The following PTK2 variants were observed in gnomAD, a reference collection of about 807,000 sequenced individuals.
PTK2 encodes protein tyrosine kinase 2, also known as focal adhesion kinase 1.
A neutral mutation model predicts 150.1 loss-of-function variants in PTK2; 45 were observed. That is an observed-to-expected ratio of 0.30 (90% CI 0.24 to 0.38). The LOEUF is 0.38. PTK2 is among the 10% of genes least tolerant of loss of function. The probability of loss-of-function intolerance (pLI) is 1.00; values close to 1 mark genes in which losing one functional copy is unlikely to be tolerated. For missense variants in PTK2, 919 were observed against 1,307.3 expected (o/e 0.70, Z 4.58); for synonymous variants, 432 against 449.2 (o/e 0.96, Z 0.48).
intron 27 of PTK2, among the ~76,000 whole-genome samples, chr8:140,681,278 G>C (rs557679022): frequency 6.6e-6 from 1 of 151,638 alleles, no homozygotes; most frequent in African/African-American, 2.4e-5. Context: ...TCTTGAGCCC[G>C]GTAAGCAGAA....
rs531114665 is a variant in PTK2 at position 140,976,844 on chromosome 8, A to AC, written c.-122+24280dup. Among the ~76,000 whole-genome samples the AC allele has an allele frequency of 1.3e-3, 198 of 152,358 alleles. 1 individual carries two copies. Among genetic ancestry groups the AC allele is most frequent in the African/African-American group, 4.6e-3 (192 of 41,574 alleles). The stretch of plus-strand genomic sequence containing the variant: ...GGTACCTAAAAGTTTCTGAGTTGAG[A>AC]CCAAGATTTTAGCCAAATTCTACTA... On this transcript the variant is annotated intron_variant, in intron 1 of 31. Coordinates refer to ENST00000522684, the Ensembl canonical transcript of PTK2.
At chr8:140,893,947 T>G (rs1438287477) in intron 2 of PTK2, among the ~76,000 whole-genome samples, 1 of 152,184 alleles carries the variant, frequency 6.6e-6, no homozygotes, top group Non-Finnish European at 1.5e-5. Context: ...AAAGGGGAAT[T>G]TGACAATAAC....
intron 27 of PTK2, among the ~76,000 whole-genome samples, chr8:140,684,003 C>T (rs1438741225): frequency 6.6e-6 from 1 of 152,124 alleles, no homozygotes; most frequent in African/African-American, 2.4e-5. Context: ...GCTGGAAGTC[C>T]TAGGCAGAGC....
chr8:140,853,611 T>C (rs1320578020), intron 5 of PTK2, among the ~76,000 whole-genome samples: 2 of 152,092 alleles, frequency 1.3e-5, no homozygotes, highest in African/African-American at 4.8e-5. Context: ...TTGGGTTGGT[T>C]CCAAGTCTCT....
chr8:140,906,685 T>C (rs191023814), intron 2 of PTK2, among the ~76,000 whole-genome samples: 10 of 152,204 alleles, frequency 6.6e-5, no homozygotes, highest in East Asian at 3.9e-4. Flanking sequence ...AGGGCATAAA[T>C]AGAAGTAGGT....
intron 1 of PTK2, among the ~76,000 whole-genome samples, chr8:140,965,328 CT>C (rs920430197): frequency 6.6e-6 from 1 of 152,176 alleles, no homozygotes; most frequent in African/African-American, 2.4e-5. Context: ...CTTCCCATTG[CT>C]TAACTTGATG....
chr8:140,963,121 C>T (rs910694094), intron 1 of PTK2, among the ~76,000 whole-genome samples: 24 of 151,850 alleles, frequency 1.6e-4, no homozygotes, highest in African/African-American at 5.8e-4. Context: ...AAGGCCTTGC[C>T]TCTCCCTCTA....
At chr8:140,848,133 A>G (rs919679416) in intron 5 of PTK2, among the ~76,000 whole-genome samples, 2 of 152,226 alleles carry the variant, frequency 1.3e-5, no homozygotes, top group African/African-American at 4.8e-5. Context: ...AAATTGAACA[A>G]TGCATGCCTA....
chr8:140,744,072 C>T (rs537044869), intron 19 of PTK2, among the ~76,000 whole-genome samples: 268 of 122,588 alleles, frequency 2.2e-3, no homozygotes, highest in East Asian at 0.012. Context: ...CCACCGCGCC[C>T]GGCCTATTTC....
At chr8:140,927,381 T>C (rs997617358) in intron 1 of PTK2, 9 of 152,194 alleles carry the variant, frequency 5.9e-5, no homozygotes, top group East Asian at 5.8e-4. Context: ...CAAGCTATTG[T>C]GTCTTTCCAA....
At chr8:140,710,807 C>T (rs1302814449) in intron 23 of PTK2, among the ~76,000 whole-genome samples, 1 of 152,206 alleles carries the variant, frequency 6.6e-6, no homozygotes, top group Admixed American at 6.5e-5. Flanking sequence ...TTGCAGATAT[C>T]AAGGCAGAAC....
intron 2 of PTK2, among the ~76,000 whole-genome samples, chr8:140,892,816 G>A (rs923410546): frequency 2.6e-5 from 4 of 152,080 alleles, no homozygotes; most frequent in Non-Finnish European, 2.9e-5. Flanking sequence ...GAATGCAAGA[G>A]ACAATCCAGA....
intron 26 of PTK2, among the ~76,000 whole-genome samples, chr8:140,692,805 T>A (rs1157652016): frequency 6.6e-6 from 1 of 152,232 alleles, no homozygotes; most frequent in African/African-American, 2.4e-5. Flanking sequence ...AGGAGAGCTG[T>A]TGGCCTTGCT....
chr8:140,974,302 T>C (rs1202192719), intron 1 of PTK2, among the ~76,000 whole-genome samples: 3 of 152,198 alleles, frequency 2.0e-5, no homozygotes, highest in Admixed American at 2.0e-4. Context: ...CTGAGGAAAC[T>C]ACACTCATTT....
At chr8:140,830,395 C>T in intron 8 of PTK2, 77 bp downstream of exon 8, 1 of 949,474 alleles carries the variant, frequency 1.1e-6, no homozygotes, top group Admixed American at 3.2e-5. Context: ...TTTACTTTCC[C>T]AAAAGCAATT....
At chr8:140,801,477 T>C (rs971503976) in intron 11 of PTK2, among the ~76,000 whole-genome samples, 1 of 152,218 alleles carries the variant, frequency 6.6e-6, no homozygotes, top group Non-Finnish European at 1.5e-5. Context: ...TCCAGACTGT[T>C]TGGGTATGAA....
At chr8:140,860,011 C>A (rs2100135121) in intron 5 of PTK2, among the ~76,000 whole-genome samples, 1 of 152,142 alleles carries the variant, frequency 6.6e-6, no homozygotes, top group Non-Finnish European at 1.5e-5. Flanking sequence ...AACTTTCTTG[C>A]CAGATCAGGC....
intron 13 of PTK2, among the ~76,000 whole-genome samples, chr8:140,792,045 G>T (rs1566478746): frequency 1.3e-5 from 2 of 152,134 alleles, no homozygotes; most frequent in African/African-American, 4.8e-5. Context: ...GAGCAAAACT[G>T]GACAGAGACT....
chr8:140,925,058 A>G (rs940549737), intron 2 of PTK2, among the ~76,000 whole-genome samples: 1 of 152,162 alleles, frequency 6.6e-6, no homozygotes, highest in African/African-American at 2.4e-5. Flanking sequence ...CTACTTGTAA[A>G]TGTCACCAAA....
Sources: gnomAD v4.1 joint callset for allele counts (sites outside exome capture counted in the v4.1 genomes callset) on GRCh38, gnomAD v4.1.1 for gene constraint, MANE v1.5 for transcripts, NCBI Gene and HGNC (gene_info 2026-07-23, HGNC 2026-07-21) for gene names.